The following CTNNA3 variants were observed in gnomAD, a reference collection of about 807,000 sequenced individuals.
CTNNA3 encodes catenin alpha 3, also known as catenin alpha-3.
Under a neutral mutation model 95.7 loss-of-function variants are expected in CTNNA3, and 76 were observed. That is an observed-to-expected ratio of 0.79 (90% CI 0.66 to 0.96). The LOEUF is 0.96. CTNNA3 is among the 40% of genes least tolerant of loss of function. CTNNA3 has a pLI of 0.00. For missense variants in CTNNA3, 1,191 were observed against 1,089.8 expected (o/e 1.09, Z -1.31); for synonymous variants, 431 against 374.4 (o/e 1.15, Z -1.74).
At chr10:67,646,227 G>A (rs1373772789) in intron 2 of CTNNA3, among the ~76,000 whole-genome samples, 1 of 149,300 alleles carries the variant, frequency 6.7e-6, no homozygotes, top group Non-Finnish European at 1.5e-5. Context: ...ATGTTGCCCA[G>A]GCTGGTCTTT....
At chr10:66,549,446 C>T (rs922706070) in intron 10 of CTNNA3, among the ~76,000 whole-genome samples, 1 of 152,080 alleles carries the variant, frequency 6.6e-6, no homozygotes, top group Non-Finnish European at 1.5e-5. Context: ...TTGTTGGTCT[C>T]TTCAAAGTGA....
chr10:66,126,943 A>C (rs983353230), intron 13 of CTNNA3, among the ~76,000 whole-genome samples: 1 of 152,140 alleles, frequency 6.6e-6, no homozygotes. Flanking sequence ...TGTGGGCTAC[A>C]TAGTGACTTC....
intron 1 of CTNNA3, among the ~76,000 whole-genome samples, chr10:67,746,975 A>G (rs1363210806): frequency 6.6e-6 from 1 of 152,194 alleles, no homozygotes; most frequent in Non-Finnish European, 1.5e-5. Flanking sequence ...TGGACCCAAG[A>G]GGTATTCCCC....
chr10:67,544,051 C>T (rs572322919), intron 3 of CTNNA3, among the ~76,000 whole-genome samples: 15 of 152,274 alleles, frequency 9.9e-5, no homozygotes, highest in South Asian at 8.3e-4. Context: ...GGTGGAAGGG[C>T]AGCAAAGCTA....
At chr10:67,028,889 C>G (rs1255807259) in intron 7 of CTNNA3, among the ~76,000 whole-genome samples, 1 of 152,088 alleles carries the variant, frequency 6.6e-6, no homozygotes, top group African/African-American at 2.4e-5. Flanking sequence ...ATTAATGAGT[C>G]ATTTTAACAT....
intron 13 of CTNNA3, among the ~76,000 whole-genome samples, chr10:66,109,006 A>G (rs1354560408): frequency 1.3e-5 from 2 of 152,224 alleles, no homozygotes; most frequent in Non-Finnish European, 2.9e-5. Context: ...AGAGATTCTC[A>G]GATGTGGAGG....
intron 2 of CTNNA3, among the ~76,000 whole-genome samples, chr10:67,630,600 C>G (rs1839112654): frequency 6.6e-6 from 1 of 152,006 alleles, no homozygotes; most frequent in Non-Finnish European, 1.5e-5. Flanking sequence ...AAACTTGCCC[C>G]AGTGAGTATT....
At chr10:65,992,588 T>C (rs568459596) in intron 15 of CTNNA3, among the ~76,000 whole-genome samples, 101 of 152,258 alleles carry the variant, frequency 6.6e-4, no homozygotes, top group African/African-American at 2.3e-3. Flanking sequence ...TCAATTGTAA[T>C]GCCTCCTTTT....
chr10:67,469,958 T>C (rs111553869), intron 5 of CTNNA3, among the ~76,000 whole-genome samples: 2,603 of 152,300 alleles, frequency 0.017, 76 homozygotes, highest in African/African-American at 0.057. Flanking sequence ...AATTATACTC[T>C]TTTAGTTATT....
intron 10 of CTNNA3, among the ~76,000 whole-genome samples, chr10:66,592,751 C>A (rs530976503): frequency 1.3e-5 from 2 of 152,150 alleles, no homozygotes; most frequent in African/African-American, 4.8e-5. Context: ...ATACAGAAAG[C>A]AATAGCAGCC....
At chr10:66,561,547 G>T (rs1441604815) in intron 10 of CTNNA3, among the ~76,000 whole-genome samples, 1 of 152,008 alleles carries the variant, frequency 6.6e-6, no homozygotes, top group Non-Finnish European at 1.5e-5. Flanking sequence ...GGGTAAGAAG[G>T]ATCTAACCAG....
rs903947742 is a variant in CTNNA3, at chr10:66,305,027, C to T, written c.1733-24406G>A. On this transcript the variant is annotated intron_variant, in intron 12 of 17. Coordinates refer to ENST00000433211, the MANE Select transcript of CTNNA3 (RefSeq NM_013266.4). ...TCCCTTCTGCCTCTCCCTGGTGGCA[C>T]ACGCAACTTCTCATGCCTGCCTTTC... 7.9e-5 allele frequency among the ~76,000 whole-genome samples: 12 copies of T among 152,170 alleles called. No homozygotes were observed. In the South Asian group the frequency reaches 2.3e-3, roughly 29 times the overall value.
chr10:67,586,971 C>A (rs922731753), intron 3 of CTNNA3, among the ~76,000 whole-genome samples: 1 of 152,058 alleles, frequency 6.6e-6, no homozygotes, highest in Non-Finnish European at 1.5e-5. Context: ...CTACCAATGA[C>A]TTACACTTTT....
At chr10:67,155,156 G>A (rs1861253503) in intron 7 of CTNNA3, among the ~76,000 whole-genome samples, 1 of 137,368 alleles carries the variant, frequency 7.3e-6, no homozygotes, top group Non-Finnish European at 1.5e-5. Context: ...TGTCTCTTTA[G>A]TTCATTAATA....
chr10:67,366,941 A>T (rs1843241274), intron 5 of CTNNA3, among the ~76,000 whole-genome samples: 1 of 152,188 alleles, frequency 6.6e-6, no homozygotes, highest in Non-Finnish European at 1.5e-5. Flanking sequence ...AAAGTTTAAA[A>T]AAAAAGGTGG....
chr10:66,671,326 T>C (rs1161538611), intron 9 of CTNNA3, among the ~76,000 whole-genome samples: 2 of 152,162 alleles, frequency 1.3e-5, no homozygotes, highest in Non-Finnish European at 2.9e-5. Context: ...AAACCATCTA[T>C]TGAAATCATT....
chr10:66,295,224 G>T (rs1365024962), intron 12 of CTNNA3, among the ~76,000 whole-genome samples: 1 of 152,134 alleles, frequency 6.6e-6, no homozygotes, highest in Non-Finnish European at 1.5e-5. Context: ...CTTAACCTAA[G>T]ACTTGTCTTT....
chr10:67,182,473 C>T (rs1163503231), intron 6 of CTNNA3, among the ~76,000 whole-genome samples: 9 of 152,036 alleles, frequency 5.9e-5, no homozygotes, highest in Non-Finnish European at 8.8e-5. Context: ...GCTGGGAAAA[C>T]GGGCTAGCCA....
At chr10:66,889,940 G>A (rs1375159159) in intron 7 of CTNNA3, among the ~76,000 whole-genome samples, 5 of 151,992 alleles carry the variant, frequency 3.3e-5, no homozygotes, top group Non-Finnish European at 5.9e-5. Flanking sequence ...ACAGGCTCAC[G>A]CCACCACGCC....
Sources: gnomAD v4.1 joint callset for allele counts (sites outside exome capture counted in the v4.1 genomes callset) on GRCh38, gnomAD v4.1.1 for gene constraint, MANE v1.5 for transcripts, NCBI Gene and HGNC (gene_info 2026-07-23, HGNC 2026-07-21) for gene names.